Variants in AGBL1 observed in about 807,000 individuals in gnomAD.
The protein encoded by AGBL1 is cytosolic carboxypeptidase 4.
A neutral mutation model predicts 118.9 loss-of-function variants in AGBL1; 130 were observed. The observed-to-expected ratio is 1.09, with a 90% CI of 0.95 to 1.26. The LOEUF (loss-of-function observed/expected upper bound fraction) is 1.26. Among genes scored for constraint, AGBL1 ranks in the 50% most tolerant of loss-of-function variants. AGBL1 has a pLI of 0.00. For missense variants in AGBL1, 1,584 were observed against 1,298.1 expected, an observed-to-expected ratio of 1.22 and a Z score of -3.38; for synonymous variants, 555 against 478.9, an observed-to-expected ratio of 1.16 and a Z score of -2.08.
intron 22 of AGBL1, among the ~76,000 whole-genome samples, chr15:86,763,835 C>T (rs1211370613): frequency 6.6e-6 from 1 of 151,982 alleles, no homozygotes; most frequent in Non-Finnish European, 1.5e-5. Context: ...GATTTTCCAC[C>T]TATCTTTGGT....
At chr15:86,784,886 C>T (rs1470807) in intron 22 of AGBL1, among the ~76,000 whole-genome samples, 2 of 151,978 alleles carry the variant, frequency 1.3e-5, no homozygotes, top group Non-Finnish European at 2.9e-5. Flanking sequence ...GTACTACTAT[C>T]TTTGCAACTT....
chr15:86,337,380 G>T (rs1467695628), intron 17 of AGBL1, among the ~76,000 whole-genome samples: 1 of 152,160 alleles, frequency 6.6e-6, no homozygotes, highest in Non-Finnish European at 1.5e-5. Flanking sequence ...AGGAAGGAAT[G>T]AGGTAGAAAG....
intron 22 of AGBL1, among the ~76,000 whole-genome samples, chr15:86,693,944 A>G (rs8028698): frequency 0.011 from 1,646 of 152,142 alleles, 14 homozygotes; most frequent in Middle Eastern, 0.037. Context: ...ATTCTGTTCC[A>G]TTGGTCTATG....
At chr15:86,217,715 C>T (rs937772708) in intron 5 of AGBL1, among the ~76,000 whole-genome samples, 1 of 152,160 alleles carries the variant, frequency 6.6e-6, no homozygotes, top group Non-Finnish European at 1.5e-5. Flanking sequence ...TGGGTACATG[C>T]TCTAGGTCTT....
At chr15:86,430,489 CAA>C (rs556112771) in intron 18 of AGBL1, among the ~76,000 whole-genome samples, 20 of 85,226 alleles carry the variant, frequency 2.3e-4, no homozygotes, top group Admixed American at 5.3e-4. Flanking sequence ...AGCGCCGTCG[CAA>C]AAAAAAAAAA....
At chr15:86,361,068 C>A (rs2080798312) in intron 17 of AGBL1, among the ~76,000 whole-genome samples, 3 of 151,536 alleles carry the variant, frequency 2.0e-5, no homozygotes, top group South Asian at 4.1e-4. Flanking sequence ...TATTTGAGAT[C>A]TTTCTTCTTT....
intron 17 of AGBL1, among the ~76,000 whole-genome samples, chr15:86,298,259 A>G (rs1480272488): frequency 1.1e-3 from 106 of 95,914 alleles, no homozygotes; most frequent in African/African-American, 4.6e-3. Flanking sequence ...ATATATATAT[A>G]TATATATATA....
chr15:86,575,801 T>A (rs1165328566), intron 21 of AGBL1, among the ~76,000 whole-genome samples: 1 of 152,078 alleles, frequency 6.6e-6, no homozygotes, highest in African/African-American at 2.4e-5. Flanking sequence ...CTTGGTATGT[T>A]GCCTAGGCTG....
chr15:86,265,159 C>T (rs992737312), intron 11 of AGBL1, among the ~76,000 whole-genome samples: 2 of 152,220 alleles, frequency 1.3e-5, no homozygotes, highest in African/African-American at 4.8e-5. Flanking sequence ...TACTGGGCTC[C>T]TTCCTCAAAA....
intron 22 of AGBL1, among the ~76,000 whole-genome samples, chr15:86,853,741 A>G (rs1210658350): frequency 1.3e-5 from 2 of 152,116 alleles, no homozygotes; most frequent in African/African-American, 4.8e-5. Flanking sequence ...AACATTTGTC[A>G]CTCTCAAAAG....
At chr15:86,736,252 T>C (rs986740623) in intron 22 of AGBL1, among the ~76,000 whole-genome samples, 1 of 151,944 alleles carries the variant, frequency 6.6e-6, no homozygotes, top group Non-Finnish European at 1.5e-5. Context: ...CGGTGGTGCA[T>C]GCCTGTAAGC....
chr15:86,276,046 G>A (rs1737756037), intron 15 of AGBL1, among the ~76,000 whole-genome samples: 1 of 152,158 alleles, frequency 6.6e-6, no homozygotes, highest in Non-Finnish European at 1.5e-5. Flanking sequence ...TTCAATGAAT[G>A]CTAGCAATTA....
At chr15:86,783,862 C>T (rs932090705) in intron 22 of AGBL1, among the ~76,000 whole-genome samples, 1 of 152,136 alleles carries the variant, frequency 6.6e-6, no homozygotes, top group African/African-American at 2.4e-5. Context: ...AATTCCTGAC[C>T]TCAGGTGATT....
chr15:86,112,850 T>C (rs8032784), intron 1 of AGBL1, among the ~76,000 whole-genome samples: 1 of 146,980 alleles, frequency 6.8e-6, no homozygotes, highest in Non-Finnish European at 1.5e-5. Flanking sequence ...ATGTAACTGA[T>C]TTTTTTTTTA....
chr15:86,664,231 A>T (rs1342267790), intron 21 of AGBL1, among the ~76,000 whole-genome samples: 1 of 152,174 alleles, frequency 6.6e-6, no homozygotes, highest in Non-Finnish European at 1.5e-5. Context: ...TGGCAGAGAC[A>T]CCAACATGCT....
At chr15:86,976,737 T>A (rs1018919496) in intron 23 of AGBL1, among the ~76,000 whole-genome samples, 18 of 152,004 alleles carry the variant, frequency 1.2e-4, no homozygotes, top group Admixed American at 8.5e-4. Flanking sequence ...GATTTTTTTT[T>A]AAATTCGTAT....
rs978295776 is a variant in AGBL1 at position 86,913,069 on chromosome 15, T to C, written c.*5775T>C. On this transcript the variant is annotated 3_prime_UTR_variant, in exon 23 of 23. Transcript: ENST00000614907. ...AGGGAATTTTGAGATAAAAATGGAT[T>C]CTATTACAACCTTTCAGTGCCTAAT... The C allele has an allele frequency of 1.3e-5, 2 of 152,310 alleles. No homozygotes were observed. The highest frequency in any genetic ancestry group is 1.3e-4 in the Admixed American group (2 of 15,300). The allele number at this position is 152,310 out of a possible 1,614,324, so 9.4% of individuals were successfully genotyped here. A position where few individuals can be genotyped will look rare whatever the true frequency, so the allele number is the denominator to read the frequency against.
intron 18 of AGBL1, among the ~76,000 whole-genome samples, chr15:86,504,295 T>C (rs2082949347): frequency 6.6e-6 from 1 of 151,594 alleles, no homozygotes; most frequent in South Asian, 2.1e-4. Context: ...TAACCCATTG[T>C]GTCTTTGAAT....
intron 1 of AGBL1, among the ~76,000 whole-genome samples, chr15:86,124,189 G>A (rs28513448): frequency 0.044 from 6,624 of 152,004 alleles, 469 homozygotes; most frequent in African/African-American, 0.15. Context: ...ATGTAGCGGG[G>A]CATGGTGGCA....
Sources: gnomAD v4.1 joint callset for allele counts (sites outside exome capture counted in the v4.1 genomes callset) on GRCh38, gnomAD v4.1.1 for gene constraint, MANE v1.5 for transcripts, NCBI Gene and HGNC (gene_info 2026-07-23, HGNC 2026-07-21) for gene names.